The following SLAIN1 variants were observed in gnomAD, a reference collection of about 807,000 sequenced individuals.
SLAIN1 encodes the protein SLAIN motif-containing protein 1.
A neutral mutation model predicts 55.4 loss-of-function variants in SLAIN1; 17 were observed. The ratio of observed to expected loss-of-function variants is 0.31; its 90% confidence interval spans 0.21 to 0.46. The LOEUF is 0.46. Among genes scored for constraint, SLAIN1 ranks in the 20% least tolerant of loss-of-function variants. SLAIN1 has a pLI of 1.00. For missense variants in SLAIN1, 682 were observed against 785.1 expected (o/e 0.87, Z 1.57); for synonymous variants, 348 against 337.4 (o/e 1.03, Z -0.35).
intron 6 of SLAIN1, among the ~76,000 whole-genome samples, chr13:77,762,168 T>C (rs1392819766): frequency 6.6e-6 from 1 of 152,256 alleles, no homozygotes; most frequent in Non-Finnish European, 1.5e-5. Context: ...TGTTTATTTA[T>C]TCAGTAAGTT....
At chr13:77,750,826 A>G (rs190917535) in intron 4 of SLAIN1, among the ~76,000 whole-genome samples, 12 of 152,284 alleles carry the variant, frequency 7.9e-5, no homozygotes, top group East Asian at 3.9e-4. Context: ...AATTGTGCCA[A>G]TTCTTAAAGT....
chr13:77,740,323 G>A (rs1215059171), intron 2 of SLAIN1, among the ~76,000 whole-genome samples: 1 of 152,018 alleles, frequency 6.6e-6, no homozygotes, highest in Admixed American at 6.6e-5. Flanking sequence ...AGTGGTTAAG[G>A]AAGTTGCGGT....
At chr13:77,706,861 A>G (rs2091095094) in intron 1 of SLAIN1, among the ~76,000 whole-genome samples, 1 of 152,108 alleles carries the variant, frequency 6.6e-6, no homozygotes, top group Admixed American at 6.5e-5. Flanking sequence ...GCACTGTTCC[A>G]TTTTGTTCTA....
At chr13:77,708,529 A>G (rs1490117560) in intron 1 of SLAIN1, among the ~76,000 whole-genome samples, 1 of 152,194 alleles carries the variant, frequency 6.6e-6, no homozygotes, top group African/African-American at 2.4e-5. Flanking sequence ...CGCATCTGGC[A>G]GGTGCCCCTC....
intron 3 of SLAIN1, among the ~76,000 whole-genome samples, chr13:77,745,960 A>G (rs866139603): frequency 1.3e-5 from 2 of 152,142 alleles, no homozygotes; most frequent in Middle Eastern, 3.2e-3. Flanking sequence ...TAAAACTATT[A>G]GAAGTATTGA....
At position 77,746,821 on chromosome 13, in the gene SLAIN1, A is replaced by G; in HGVS notation, c.1224A>G (p.Gln408=). The G allele has an allele frequency of 3.7e-6, 6 of 1,613,464 alleles. No homozygotes were observed. Among genetic ancestry groups the G allele is most frequent in the Non-Finnish European group, 5.1e-6 (6 of 1,179,592 alleles). ...QQQQYYSPQA[Q]TPDQQPNRTN... ...AACAGTATTATTCACCTCAAGCCCA[A>G]ACTCCAGATCAGCAACCAAATAGGA... The change falls in exon 4 of 7, where the codon CAA becomes CAG. Residue 408 remains glutamine, a synonymous_variant. Transcript: ENST00000418532.
intron 1 of SLAIN1, among the ~76,000 whole-genome samples, chr13:77,709,689 C>T (rs989856043): frequency 2.0e-5 from 3 of 152,180 alleles, no homozygotes; most frequent in Non-Finnish European, 4.4e-5. Flanking sequence ...AAATCCTTTA[C>T]AGACAAGCTA....
chr13:77,746,432 A>G (rs1037135127), intron 3 of SLAIN1, 82 bp from the exon 4 acceptor site: 40 of 1,243,590 alleles, frequency 3.2e-5, no homozygotes, highest in Non-Finnish European at 4.3e-5. Flanking sequence ...ATTTGGCACA[A>G]TTTTTCATCT....
rs1047161703 is a variant in SLAIN1 at position 77,761,768 on chromosome 13, A to G, written c.1697+658A>G. Among the ~76,000 whole-genome samples, 3 of 152,274 alleles carry G rather than the reference A, an allele frequency of 2.0e-5. 1 individual carries two copies. The highest frequency in any genetic ancestry group is 2.1e-4 in the South Asian group (1 of 4,822). On this transcript the variant is annotated intron_variant, in intron 6 of 6. Transcript: ENST00000418532. ...CCCTTCAAAGTTTCAGAGTACTTCA[A>G]AGGACATTTAGTCTAGCTCTTGGTC... is the stretch of plus-strand genomic sequence containing the variant.
Position 77,697,691 on chromosome 13 carries a change from A to C in SLAIN1, c.-223A>C, listed in dbSNP as rs1452345901. On this transcript the variant is annotated 5_prime_UTR_variant, in exon 1 of 7. Transcript: ENST00000418532. The stretch of plus-strand genomic sequence containing the variant: ...CCGGAGCCGCCGCGACGCCCAGGGG[A>C]CTGGAGGGACGCACTGAGCATGTGC... 7.0e-6 allele frequency among the ~76,000 whole-genome samples: 1 copy of C among 143,288 alleles called. No homozygotes were observed. The highest frequency in any genetic ancestry group is 2.6e-5 in the African/African-American group (1 of 38,714). 94.0% of individuals were successfully genotyped at this position (143,288 alleles called of 152,430 possible).
rs758623410 is a variant in SLAIN1 at position 77,760,958 on chromosome 13, A to G, written c.1545A>G (p.Ser515=). The part of the protein sequence containing the change: ...TVQGSSNMPL[S]NGLQLYSNTG... ...AAGGCAGCAGTAACATGCCTTTATCAAACGGCTTACAGCTGTATTCCAACA... is the reference window on the plus strand; with the variant it reads ...AAGGCAGCAGTAACATGCCTTTATCGAACGGCTTACAGCTGTATTCCAACA... Residue 515 remains serine, a synonymous_variant, in exon 6 of 7, where the codon TCA becomes TCG. Transcript: ENST00000418532. 2 of 1,614,196 alleles carry G rather than the reference A, an allele frequency of 1.2e-6. No homozygotes were observed. The highest frequency in any genetic ancestry group is 1.1e-5 in the South Asian group (1 of 91,074).
intron 2 of SLAIN1, among the ~76,000 whole-genome samples, chr13:77,733,591 G>A (rs574718353): frequency 1.3e-5 from 2 of 152,298 alleles, no homozygotes; most frequent in East Asian, 3.9e-4. Context: ...AAGACTGTGA[G>A]ACTTGGGTAT....
chr13:77,725,970 CTA>C (rs1252059941), intron 2 of SLAIN1, among the ~76,000 whole-genome samples: 18 of 152,308 alleles, frequency 1.2e-4, no homozygotes, highest in Non-Finnish European at 2.1e-4. Flanking sequence ...GGGCCCAGGC[CTA>C]TTTCTCTTCT....
intron 1 of SLAIN1, among the ~76,000 whole-genome samples, chr13:77,703,914 CAT>C (rs1397494602): frequency 3.6e-5 from 4 of 111,380 alleles, no homozygotes; most frequent in Non-Finnish European, 7.4e-5. Flanking sequence ...TACACACACA[CAT>C]ATATATTTTT....
intron 4 of SLAIN1, among the ~76,000 whole-genome samples, chr13:77,750,631 A>T (rs2154410672): frequency 6.6e-6 from 1 of 152,294 alleles, no homozygotes; most frequent in East Asian, 1.9e-4. Flanking sequence ...GGAATTTGGG[A>T]ATACGAGACG....
At chr13:77,745,035 G>A (rs1473214489) in intron 3 of SLAIN1, among the ~76,000 whole-genome samples, 3 of 152,064 alleles carry the variant, frequency 2.0e-5, no homozygotes, top group Non-Finnish European at 4.4e-5. Context: ...ATGACAAAAT[G>A]TTAGGAACAG....
At position 77,763,489 on chromosome 13, in the gene SLAIN1, T is replaced by C. The variant is rs748552505; in HGVS notation, c.*269T>C. On this transcript the variant is annotated 3_prime_UTR_variant, in exon 7 of 7. Transcript: ENST00000418532. The stretch of plus-strand genomic sequence containing the variant: ...TTTGTAGAACTGCTCTGTACCTGAA[T>C]ACTTTTTGAGAGAATTAAGATGTAT... 6 of 410,258 alleles carry C rather than the reference T, an allele frequency of 1.5e-5. No individual in the cohort carries two copies. The highest frequency in any genetic ancestry group is 2.6e-5 in the Non-Finnish European group (6 of 228,126). 25.4% of individuals were successfully genotyped at this position (410,258 alleles called of 1,614,324 possible).
At chr13:77,749,320 A>G (rs988227536) in intron 4 of SLAIN1, among the ~76,000 whole-genome samples, 6 of 152,210 alleles carry the variant, frequency 3.9e-5, no homozygotes, top group South Asian at 2.1e-4. Flanking sequence ...AAAGAAGCAT[A>G]ACTGGAATAA....
chr13:77,745,244 C>A (rs1251856945), intron 3 of SLAIN1, among the ~76,000 whole-genome samples: 1 of 152,114 alleles, frequency 6.6e-6, no homozygotes, highest in African/African-American at 2.4e-5. Context: ...CAGACACACA[C>A]ACACCCCCAC....
Sources: gnomAD v4.1 joint callset for allele counts (sites outside exome capture counted in the v4.1 genomes callset) on GRCh38, gnomAD v4.1.1 for gene constraint, MANE v1.5 for transcripts, NCBI Gene and HGNC (gene_info 2026-07-23, HGNC 2026-07-21) for gene names.